The following CHIA variants were observed in gnomAD, a reference collection of about 807,000 sequenced individuals.
The protein encoded by CHIA is acidic mammalian chitinase.
CHIA carries 47 observed loss-of-function variants against 53.5 expected under a neutral mutation model. The observed-to-expected ratio is 0.88, with a 90% CI of 0.70 to 1.12. CHIA has a LOEUF of 1.12. Among genes scored for constraint, CHIA ranks in the 50% most tolerant of loss-of-function variants. The pLI is 0.00. For missense variants in CHIA, 652 were observed against 592.2 expected, an observed-to-expected ratio of 1.10 and a Z score of -1.05; for synonymous variants, 268 against 222.2, an observed-to-expected ratio of 1.21 and a Z score of -1.83.
At chr1:111,294,373 T>G (rs1297386166) in intron 1 of CHIA, among the ~76,000 whole-genome samples, 1 of 152,232 alleles carries the variant, frequency 6.6e-6, no homozygotes, top group Non-Finnish European at 1.5e-5. Flanking sequence ...TTTGTTAGTT[T>G]ATAAAAATGC....
chr1:111,315,157 T>C, intron 5 of CHIA, 113 bp from the exon 6 acceptor site: 1 of 740,080 alleles, frequency 1.4e-6, no homozygotes, highest in South Asian at 1.7e-5. Context: ...CATGCTTTAC[T>C]CTGGGCTGTG....
At chr1:111,316,084 C>A in intron 6 of CHIA, 2 of 281,332 alleles carry the variant, frequency 7.1e-6, no homozygotes, top group Non-Finnish European at 1.4e-5. Context: ...GAAAGTGTTT[C>A]CTAGAGAAAG....
intron 1 of CHIA, among the ~76,000 whole-genome samples, chr1:111,296,340 G>C (rs4838904): frequency 0.28 from 42,336 of 152,000 alleles, 6,187 homozygotes; most frequent in East Asian, 0.36. Context: ...CAGGTGGGAC[G>C]AAGCTTCCAG....
chr1:111,320,470 T>G lies in CHIA; in HGVS notation c.*4T>G, dbSNP rs1303644734. 6.2e-7 allele frequency: 1 copy of G among 1,612,600 alleles called. No homozygotes were observed. The highest frequency in any genetic ancestry group is 8.5e-7 in the Non-Finnish European group (1 of 1,178,748). ...TGATTGCTGCAACTGGGCATAAACC[T>G]GACCTGGTCTATATTCCCTAGAGTT... On this transcript the variant is annotated 3_prime_UTR_variant, in exon 12 of 12. Coordinates refer to ENST00000369740, the MANE Select transcript of CHIA (RefSeq NM_201653.4).
At chr1:111,307,141 C>T (rs996226759) in intron 1 of CHIA, among the ~76,000 whole-genome samples, 4 of 152,112 alleles carry the variant, frequency 2.6e-5, no homozygotes, top group African/African-American at 4.8e-5. Context: ...TACCAAGAGA[C>T]ATGTGTACAG....
At chr1:111,300,753 C>T (rs1432773649) in intron 1 of CHIA, among the ~76,000 whole-genome samples, 4 of 152,146 alleles carry the variant, frequency 2.6e-5, no homozygotes, top group Non-Finnish European at 5.9e-5. Flanking sequence ...AACTAAAGAG[C>T]TTCTGCACGG....
In CHIA at chr1:111,292,400, A is replaced by G. The variant is rs72984129; in HGVS notation, c.-69+1450A>G. Among the ~76,000 whole-genome samples, 964 of 152,314 alleles carry G rather than the reference A, an allele frequency of 6.3e-3. 13 individuals are homozygous for G. Among genetic ancestry groups the G allele is most frequent in the African/African-American group, 0.021 (890 of 41,572 alleles). ...GACCATGCTGATATTCTGTTCTGTC[A>G]TATGGCAACCTTTGTGCTGGACAGA... On this transcript the variant is annotated intron_variant, in intron 1 of 11. Coordinates refer to ENST00000369740, the MANE Select transcript of CHIA (RefSeq NM_201653.4).
At chr1:111,290,992 C>A (rs1308614663) in intron 1 of CHIA, 42 bp downstream of exon 1, 2 of 376,528 alleles carry the variant, frequency 5.3e-6, no homozygotes, top group Non-Finnish European at 1.0e-5. Flanking sequence ...TCTCCCTTTC[C>A]CATTGCAATT....
rs1649543403 is a variant in CHIA, at chr1:111,320,232, G to A, written c.1197G>A (p.Gln399=). 6 of 1,613,846 alleles carry A rather than the reference G, an allele frequency of 3.7e-6. No individual in the cohort carries two copies. Among genetic ancestry groups the A allele is most frequent in the Non-Finnish European group, 5.1e-6 (6 of 1,179,916 alleles). The change falls in exon 12 of 12, where the codon CAG becomes CAA. Residue 399 remains glutamine (Q), a synonymous_variant. Coordinates refer to ENST00000369740, the MANE Select transcript of CHIA (RefSeq NM_201653.4). ...TTTCAGGTTGCACGGCTCCAGCTCA[G>A]CCCATTGAGCCAATAACTGCTGCTC... is the stretch of plus-strand genomic sequence containing the variant. ...LQSASCTAPA[Q]PIEPITAAPS...
At chr1:111,309,730 C>T (rs7531210) in intron 1 of CHIA, among the ~76,000 whole-genome samples, 20,101 of 152,160 alleles carry the variant, frequency 0.13, 1,544 homozygotes, top group African/African-American at 0.19. Flanking sequence ...GTTCCAGAAA[C>T]GGTCAAGTTG....
rs549846084 is a variant in CHIA, at chr1:111,302,818, G to A, written c.-68-7582G>A. On this transcript the variant is annotated intron_variant, in intron 1 of 11. Transcript: ENST00000369740. ...TATTTCCTCACTTATCTTCCGTGTG[G>A]TTGTTGTATTCATTACTGAGAACGG... is the stretch of plus-strand genomic sequence containing the variant. Among the ~76,000 whole-genome samples the A allele has an allele frequency of 2.1e-4, 32 of 152,136 alleles. No homozygotes were observed. In the Middle Eastern group the frequency reaches 0.017, roughly 81 times the overall value.
At chr1:111,308,714 A>T (rs1356292991) in intron 1 of CHIA, among the ~76,000 whole-genome samples, 1 of 152,200 alleles carries the variant, frequency 6.6e-6, no homozygotes, top group Non-Finnish European at 1.5e-5. Flanking sequence ...TGTCATTCAT[A>T]GATGGAAAAT....
chr1:111,317,597 T>A, intron 6 of CHIA, 84 bp from the exon 7 acceptor site: 1 of 1,468,606 alleles, frequency 6.8e-7, no homozygotes, highest in Non-Finnish European at 9.5e-7. Flanking sequence ...GAGAGAAGCA[T>A]TATACAGACA....
chr1:111,303,681 C>A (rs1329281961), intron 1 of CHIA, among the ~76,000 whole-genome samples: 1 of 152,120 alleles, frequency 6.6e-6, no homozygotes, highest in Non-Finnish European at 1.5e-5. Flanking sequence ...AAAATACTAT[C>A]TTTATACATT....
Position 111,310,385 on chromosome 1 carries a change from T to C in CHIA, c.-68-15T>C. ...TAACTACATACACATCTGGGTCAAATTGTTCTCTATTTAGAAGCCTTTGTG... is the reference window on the plus strand; with the variant it reads ...TAACTACATACACATCTGGGTCAAACTGTTCTCTATTTAGAAGCCTTTGTG... On this transcript the variant is annotated splice_polypyrimidine_tract_variant and intron_variant, in intron 1 of 11. Coordinates refer to ENST00000369740, the MANE Select transcript of CHIA (RefSeq NM_201653.4). 1.2e-6 allele frequency: 2 copies of C among 1,602,366 alleles called. No homozygotes were observed. The highest frequency in any genetic ancestry group is 1.7e-6 in the Non-Finnish European group (2 of 1,175,576).
Position 111,319,352 on chromosome 1 carries a change from T to C in CHIA, c.1061T>C (p.Phe354Ser), listed in dbSNP as rs2275254. The change falls in exon 11 of 12, where the codon TTT becomes TCT. Residue 354 changes from phenylalanine to serine, a missense_variant. Phe to Ser is a radical substitution (Grantham distance 155). Transcript: ENST00000369740. ...IKAQWLKHNK[F>S]GGAMVWAIDL... is the part of the protein sequence containing the mutation. The stretch of plus-strand genomic sequence containing the variant: ...GCTCAATGGCTTAAGCACAACAAAT[T>C]TGGAGGCGCCATGGTCTGGGCCATT... 891,619 of 1,613,680 alleles carry C rather than the reference T, an allele frequency of 0.55. 251,985 individuals are homozygous for C. Among genetic ancestry groups the C allele is most frequent in the Middle Eastern group, 0.61 (3,702 of 6,060 alleles).
rs938143228 is a variant in CHIA, at chr1:111,293,784, A to C, written c.-69+2834A>C. Among the ~76,000 whole-genome samples, 53 of 151,332 alleles carry C rather than the reference A, an allele frequency of 3.5e-4. 1 individual carries two copies. The highest frequency in any genetic ancestry group is 2.5e-5 in the African/African-American group (1 of 40,632). ...TGCCTATGATGTTAGAAAATGGCCC[A>C]AAAACATCAATGGGGCCAGATGTGG... On this transcript the variant is annotated intron_variant, in intron 1 of 11. Coordinates refer to ENST00000369740, the MANE Select transcript of CHIA (RefSeq NM_201653.4).
intron 1 of CHIA, among the ~76,000 whole-genome samples, chr1:111,305,758 C>G (rs913915674): frequency 3.9e-5 from 6 of 152,176 alleles, no homozygotes; most frequent in African/African-American, 1.4e-4. Flanking sequence ...ATTCGTTCCT[C>G]ATTTTCCTTT....
At chr1:111,310,264 T>G (rs1648554301) in intron 1 of CHIA, 136 bp from the exon 2 acceptor site, 1 of 1,024,088 alleles carries the variant, frequency 9.8e-7, no homozygotes, top group African/African-American at 1.6e-5. Flanking sequence ...TCTGTCCTTG[T>G]TGGGCAGAGA....
Sources: gnomAD v4.1 joint callset for allele counts (sites outside exome capture counted in the v4.1 genomes callset) on GRCh38, gnomAD v4.1.1 for gene constraint, MANE v1.5 for transcripts, NCBI Gene and HGNC (gene_info 2026-07-23, HGNC 2026-07-21) for gene names.